The following BLK variants were observed in gnomAD, a reference collection of about 807,000 sequenced individuals.
The protein encoded by BLK is tyrosine-protein kinase Blk.
Under a neutral mutation model 61.8 loss-of-function variants are expected in BLK, and 64 were observed. The observed-to-expected ratio is 1.03, with a 90% CI of 0.85 to 1.27. The LOEUF (loss-of-function observed/expected upper bound fraction) is 1.27, where lower values mean the gene tolerates loss of function less well. Among genes scored for constraint, BLK ranks in the 50% most tolerant of loss-of-function variants. The pLI, the probability that BLK is intolerant of heterozygous loss-of-function variation, is 0.00. For missense variants in BLK, 853 were observed against 660.5 expected, an observed-to-expected ratio of 1.29 and a Z score of -3.19; for synonymous variants, 351 against 272.0, an observed-to-expected ratio of 1.29 and a Z score of -2.86.
chr8:11,514,977 C>A (rs559551843), intron 1 of BLK, among the ~76,000 whole-genome samples: 3 of 152,136 alleles, frequency 2.0e-5, no homozygotes, highest in Non-Finnish European at 2.9e-5. Flanking sequence ...GGTTGAGGCA[C>A]GCACATGACT....
chr8:11,532,889 G>C (rs1284322696), intron 1 of BLK, among the ~76,000 whole-genome samples: 2 of 152,174 alleles, frequency 1.3e-5, no homozygotes, highest in Non-Finnish European at 2.9e-5. Flanking sequence ...AGTTACCTGT[G>C]GATAAAATTG....
intron 5 of BLK, among the ~76,000 whole-genome samples, chr8:11,549,380 A>T (rs2117491605): frequency 6.6e-6 from 1 of 152,314 alleles, no homozygotes; most frequent in East Asian, 1.9e-4. Context: ...CCTGGATGGA[A>T]CCGGCCCCAG....
chr8:11,543,609 T>C (rs1408797455), intron 2 of BLK, among the ~76,000 whole-genome samples: 1 of 151,596 alleles, frequency 6.6e-6, no homozygotes, highest in African/African-American at 2.4e-5. Context: ...GGGGAGAGGG[T>C]GTCGTAAGGA....
At chr8:11,556,600 A>G (rs1315392537) in intron 8 of BLK, 58 bp from the exon 9 acceptor site, 2 of 1,610,876 alleles carry the variant, frequency 1.2e-6, no homozygotes, top group Non-Finnish European at 1.7e-6. Flanking sequence ...TGGTTAAGGG[A>G]TCACCTCCGA....
intron 1 of BLK, among the ~76,000 whole-genome samples, chr8:11,526,961 G>A (rs1468006705): frequency 6.6e-6 from 1 of 152,172 alleles, no homozygotes; most frequent in Non-Finnish European, 1.5e-5. Flanking sequence ...GTTTTATGAA[G>A]CCTCTTTCGT....
intron 1 of BLK, among the ~76,000 whole-genome samples, chr8:11,500,712 C>T (rs1470769878): frequency 6.6e-6 from 1 of 151,740 alleles, no homozygotes; most frequent in East Asian, 1.9e-4. Context: ...GGGTTTTTAC[C>T]ATGTTGTCTA....
At chr8:11,562,675 C>A (rs1408619039) in intron 11 of BLK, among the ~76,000 whole-genome samples, 1 of 152,246 alleles carries the variant, frequency 6.6e-6, no homozygotes, top group Admixed American at 6.5e-5. Flanking sequence ...CCCTTCCATC[C>A]CAGGTGGAAA....
chr8:11,533,035 G>T (rs1016035877), intron 1 of BLK, among the ~76,000 whole-genome samples: 1 of 152,214 alleles, frequency 6.6e-6, no homozygotes, highest in African/African-American at 2.4e-5. Flanking sequence ...TGAAAAGCAT[G>T]CAGTAAAATG....
intron 1 of BLK, among the ~76,000 whole-genome samples, chr8:11,538,163 T>G (rs763734287): frequency 2.0e-5 from 3 of 152,120 alleles, no homozygotes; most frequent in Non-Finnish European, 2.9e-5. Context: ...CACACACAAG[T>G]GCACATAAGT....
chr8:11,518,106 C>G (rs115535275), intron 1 of BLK, among the ~76,000 whole-genome samples: 1 of 152,082 alleles, frequency 6.6e-6, no homozygotes, highest in Non-Finnish European at 1.5e-5. Flanking sequence ...GTGCAGGGTA[C>G]GCAGTGGGTG....
rs1801159345 is a variant in BLK at position 11,555,458 on chromosome 8, CT to C, written c.747del (p.Gly250AspfsTer15). The C allele has an allele frequency of 6.2e-7, 1 of 1,614,094 alleles. No homozygotes were observed. Among genetic ancestry groups the C allele is most frequent in the South Asian group, 1.1e-5 (1 of 91,086 alleles). ...QSLRLVRKLGSGQFGEVWMGY... is the reference protein window; with the variant it reads ...QSLRLVRKLGXGQFGEVWMGY... ...CTCAGGCTGGTCAGGAAACTCGGGT[CT>C]GGACAATTCGGCGAAGTCTGGATGG... On this transcript the variant is annotated frameshift_variant, in exon 8 of 13. Transcript: ENST00000259089. LOFTEE classifies it high-confidence loss of function.
At chr8:11,496,059 C>T (rs1292544467) in intron 1 of BLK, among the ~76,000 whole-genome samples, 1 of 152,212 alleles carries the variant, frequency 6.6e-6, no homozygotes, top group East Asian at 1.9e-4. Context: ...CACACCTTCT[C>T]TTTGAACATT....
intron 1 of BLK, among the ~76,000 whole-genome samples, chr8:11,496,401 C>A (rs1268855592): frequency 2.0e-5 from 3 of 152,070 alleles, no homozygotes; most frequent in Non-Finnish European, 4.4e-5. Context: ...CTGTATCTGG[C>A]TAATTTTTTA....
intron 8 of BLK, chr8:11,556,028 C>T (rs1801204183): frequency 8.0e-6 from 2 of 249,100 alleles, no homozygotes; most frequent in Admixed American, 5.1e-5. Flanking sequence ...TCCATGAGTC[C>T]TCCCTTACCT....
chr8:11,531,220 A>G (rs530885487), intron 1 of BLK, among the ~76,000 whole-genome samples: 1 of 152,316 alleles, frequency 6.6e-6, no homozygotes, highest in South Asian at 2.1e-4. Flanking sequence ...TCTCATATAG[A>G]TACATGTTTT....
At position 11,530,749 on chromosome 8, in the gene BLK, G is replaced by A. The variant is rs541341641; in HGVS notation, c.-1-12475G>A. On this transcript the variant is annotated intron_variant, in intron 1 of 12. Coordinates refer to ENST00000259089, the MANE Select transcript of BLK (RefSeq NM_001715.3). ...CAGCAACAATTTTAAGTGAAAAGTC[G>A]AAAAGATTTTTCCAGTTACTGAATG... 7.2e-5 allele frequency among the ~76,000 whole-genome samples: 11 copies of A among 152,246 alleles called. No individual in the cohort carries two copies. The South Asian group carries it at 8.3e-4, about 11-fold the overall frequency.
In BLK at chr8:11,543,328, C is replaced by G; in HGVS notation, c.104C>G (p.Ala35Gly). 1 of 1,613,226 alleles carries G rather than the reference C, an allele frequency of 6.2e-7. No individual in the cohort carries two copies. The highest frequency in any genetic ancestry group is 1.1e-5 in the South Asian group (1 of 91,064). The change falls in exon 2 of 13, where the codon GCC becomes GGC. Residue 35 changes from alanine (A) to glycine (G), a missense_variant. Transcript: ENST00000259089. ...PLKVSAQDKD[A>G]PPLPPLVVFN... The stretch of plus-strand genomic sequence containing the variant: ...AAGGTCAGCGCCCAAGACAAGGACG[C>G]CCCGCCACTGCCGCCCCTGGTGAGT...
intron 8 of BLK, chr8:11,556,388 C>A: frequency 4.0e-6 from 2 of 502,416 alleles, no homozygotes; most frequent in Non-Finnish European, 7.3e-6. Context: ...AGGTTCCGTG[C>A]AGGACAGAAG....
Position 11,543,312 on chromosome 8 carries a change from G to C in BLK, c.88G>C (p.Ala30Pro). ...KGQWSPLKVS[A>P]QDKDAPPLPP... The stretch of plus-strand genomic sequence containing the variant: ...CCAATGGAGCCCCCTGAAGGTCAGC[G>C]CCCAAGACAAGGACGCCCCGCCACT... The change falls in exon 2 of 13, where the codon GCC (alanine) becomes CCC (proline). Residue 30 changes from alanine (A) to proline (P), a missense_variant. Ala to Pro is a conservative substitution (Grantham distance 27, BLOSUM62 -1). Transcript: ENST00000259089. 6.2e-7 allele frequency: 1 copy of C among 1,613,380 alleles called. No individual in the cohort carries two copies. Among genetic ancestry groups the C allele is most frequent in the South Asian group, 1.1e-5 (1 of 91,072 alleles).
Sources: allele counts gnomAD v4.1 joint callset (sites outside exome capture counted in the v4.1 genomes callset), GRCh38; gene constraint gnomAD v4.1.1; transcripts MANE v1.5; gene names NCBI Gene and HGNC (gene_info 2026-07-23, HGNC 2026-07-21).